LCLAT1: variants seen among roughly 807,000 people sequenced by gnomAD.
LCLAT1 encodes lysocardiolipin acyltransferase 1.
LCLAT1 carries 11 observed loss-of-function variants against 30.7 expected under a neutral mutation model. The observed-to-expected ratio is 0.36, with a 90% CI of 0.23 to 0.59. LCLAT1 has a LOEUF of 0.59. Ranked by LOEUF, LCLAT1 falls within the 20% of genes least tolerant of loss-of-function variation. The pLI, the probability that LCLAT1 is intolerant of heterozygous loss-of-function variation, is 0.77. For synonymous variants in LCLAT1, 155 were observed against 151.3 expected (o/e 1.02, Z -0.18); for missense variants, 402 against 458.6 (o/e 0.88, Z 1.13).
In LCLAT1 at chr2:30,638,849, C is replaced by T. The variant is rs138639670; in HGVS notation, c.629-1268C>T. Among the ~76,000 whole-genome samples, 22 of 119,232 alleles carry T rather than the reference C, an allele frequency of 1.8e-4. 1 individual carries two copies. The South Asian group carries it at 2.8e-3, about 15-fold the overall frequency. 78.2% of individuals were successfully genotyped at this position (119,232 alleles called of 152,430 possible). A position where few individuals can be genotyped will look rare whatever the true frequency, so the allele number is the denominator to read the frequency against. The stretch of plus-strand genomic sequence containing the variant: ...CTCCCACATCCAGTTGGCCACTGTA[C>T]GGTGTCACATCCGTTCTTCCTTGTA... On this transcript the variant is annotated intron_variant, in intron 5 of 5. Coordinates refer to ENST00000379509, the MANE Select transcript of LCLAT1 (RefSeq NM_001002257.3).
intron 1 of LCLAT1, among the ~76,000 whole-genome samples, chr2:30,515,416 T>A (rs1572554815): frequency 6.6e-6 from 1 of 152,268 alleles, no homozygotes; most frequent in Admixed American, 6.5e-5. Flanking sequence ...TGAAAATGTT[T>A]CCTTCCTGAG....
chr2:30,490,423 C>T (rs888561019), intron 1 of LCLAT1, among the ~76,000 whole-genome samples: 2 of 151,800 alleles, frequency 1.3e-5, no homozygotes, highest in Admixed American at 1.3e-4. Flanking sequence ...GCCAGGATGA[C>T]CTCGTGATCC....
intron 5 of LCLAT1, among the ~76,000 whole-genome samples, chr2:30,608,176 C>T (rs888867403): frequency 2.6e-5 from 4 of 151,556 alleles, no homozygotes; most frequent in Non-Finnish European, 5.9e-5. Flanking sequence ...CAAATATTAG[C>T]TGGGCGTGGT....
At chr2:30,481,466 G>A (rs1287247551) in intron 1 of LCLAT1, among the ~76,000 whole-genome samples, 1 of 92,098 alleles carries the variant, frequency 1.1e-5, no homozygotes, top group Non-Finnish European at 2.5e-5. Context: ...TGGTAGAGGA[G>A]GGGGAGCCAA....
At chr2:30,564,659 G>A (rs1193676454) in intron 4 of LCLAT1, among the ~76,000 whole-genome samples, 1 of 148,320 alleles carries the variant, frequency 6.7e-6, no homozygotes, top group African/African-American at 2.5e-5. Context: ...TATTGAGTTG[G>A]TAAAAAATCA....
intron 1 of LCLAT1, among the ~76,000 whole-genome samples, chr2:30,452,012 G>A (rs1026010186): frequency 1.8e-4 from 27 of 152,270 alleles, no homozygotes; most frequent in African/African-American, 6.0e-4. Flanking sequence ...TTTAAATGAA[G>A]TCACAAAGAA....
At chr2:30,480,614 A>T (rs187227016) in intron 1 of LCLAT1, among the ~76,000 whole-genome samples, 1 of 152,142 alleles carries the variant, frequency 6.6e-6, no homozygotes, top group African/African-American at 2.4e-5. Context: ...CATGCAGGGT[A>T]TGATGCTTCA....
chr2:30,466,394 C>T (rs1164663350), intron 1 of LCLAT1, among the ~76,000 whole-genome samples: 2 of 151,666 alleles, frequency 1.3e-5, no homozygotes, highest in Non-Finnish European at 2.9e-5. Context: ...GTGCCTGACC[C>T]TTTCTGTGTG....
At chr2:30,639,770 G>T (rs1159816826) in intron 5 of LCLAT1, among the ~76,000 whole-genome samples, 1 of 152,172 alleles carries the variant, frequency 6.6e-6, no homozygotes, top group African/African-American at 2.4e-5. Context: ...TATCAAAACT[G>T]AATTCTATTG....
chr2:30,560,850 G>A (rs1019275239), intron 3 of LCLAT1, among the ~76,000 whole-genome samples: 8 of 152,184 alleles, frequency 5.3e-5, no homozygotes, highest in Non-Finnish European at 7.3e-5. Context: ...AGGTGGATCC[G>A]TAGACTGGCT....
At chr2:30,450,424 C>T (rs201489919) in intron 1 of LCLAT1, among the ~76,000 whole-genome samples, 5 of 152,030 alleles carry the variant, frequency 3.3e-5, no homozygotes, top group African/African-American at 9.7e-5. Context: ...AGTGGGAACT[C>T]TCCTGCGGGC....
chr2:30,502,953 G>C (rs1572536232), intron 1 of LCLAT1, among the ~76,000 whole-genome samples: 1 of 152,278 alleles, frequency 6.6e-6, no homozygotes, highest in South Asian at 2.1e-4. Context: ...TGCAGAACAG[G>C]GCTAACTCAC....
chr2:30,480,534 C>G (rs1003790918), intron 1 of LCLAT1, among the ~76,000 whole-genome samples: 1 of 152,136 alleles, frequency 6.6e-6, no homozygotes, highest in Non-Finnish European at 1.5e-5. Flanking sequence ...TATAAAATGA[C>G]AGTATCAATT....
At chr2:30,506,425 A>G (rs1264117214) in intron 1 of LCLAT1, among the ~76,000 whole-genome samples, 1 of 152,134 alleles carries the variant, frequency 6.6e-6, no homozygotes, top group East Asian at 1.9e-4. Context: ...TAATAAGTAA[A>G]GATGAGTAAA....
In LCLAT1 at chr2:30,447,381, C is replaced by T. The variant is rs2148244438; in HGVS notation, c.-7C>T. On this transcript the variant is annotated splice_region_variant and 5_prime_UTR_variant, in exon 1 of 6. Coordinates refer to ENST00000379509, the MANE Select transcript of LCLAT1 (RefSeq NM_001002257.3). The stretch of plus-strand genomic sequence containing the variant: ...GTCGCGCGGCGTGCCCTGCTTGTCA[C>T]AGGTGGGAGGCTGGAACTATCAGGT... The T allele has an allele frequency of 1.3e-5, 2 of 152,462 alleles. No homozygotes were observed. Among genetic ancestry groups the T allele is most frequent in the South Asian group, 4.1e-4 (2 of 4,824 alleles). The allele number at this position is 152,462 out of a possible 1,614,324, so 9.4% of individuals were successfully genotyped here.
intron 5 of LCLAT1, among the ~76,000 whole-genome samples, chr2:30,629,492 G>A (rs978371088): frequency 3.0e-4 from 45 of 152,260 alleles, no homozygotes; most frequent in Non-Finnish European, 5.9e-4. Flanking sequence ...CCCGGGAAGT[G>A]GAAGTTGCAG....
At chr2:30,466,286 GGGT>G (rs1682427059) in intron 1 of LCLAT1, among the ~76,000 whole-genome samples, 1 of 121,574 alleles carries the variant, frequency 8.2e-6, no homozygotes, top group Non-Finnish European at 1.8e-5. Flanking sequence ...CTTTGAGACA[GGGT>G]CTCACTGCCA....
chr2:30,528,730 C>T (rs1398377510), intron 2 of LCLAT1, among the ~76,000 whole-genome samples: 5 of 152,170 alleles, frequency 3.3e-5, no homozygotes, highest in Non-Finnish European at 7.4e-5. Context: ...CAGTTTAACA[C>T]ATGGGTAAGA....
At chr2:30,501,832 G>A (rs1363052396) in intron 1 of LCLAT1, among the ~76,000 whole-genome samples, 1 of 152,146 alleles carries the variant, frequency 6.6e-6, no homozygotes, top group Non-Finnish European at 1.5e-5. Flanking sequence ...AAAGATTAAT[G>A]TCTGAATATC....
Sources: allele counts gnomAD v4.1 joint callset (sites outside exome capture counted in the v4.1 genomes callset), GRCh38; gene constraint gnomAD v4.1.1; transcripts MANE v1.5; gene names NCBI Gene and HGNC (gene_info 2026-07-23, HGNC 2026-07-21).